STS: variants seen among roughly 807,000 people sequenced by gnomAD.
STS encodes the protein steroid sulfatase.
A neutral mutation model predicts 26.8 loss-of-function variants in STS; 7 were observed. The ratio of observed to expected loss-of-function variants is 0.26; its 90% CI spans 0.15 to 0.49. The LOEUF (loss-of-function observed/expected upper bound fraction) is 0.49, where lower values mean the gene tolerates loss of function less well. Among genes scored for constraint, STS ranks in the 20% least tolerant of loss-of-function variants. The probability of loss-of-function intolerance (pLI) is 0.98; values close to 1 mark genes in which losing one functional copy is unlikely to be tolerated. For synonymous variants in STS, 199 were observed against 189.4 expected (o/e 1.05, Z -0.42); for missense variants, 434 against 465.6 (o/e 0.93, Z 0.63).
chrX:7,323,929 C>G (rs182104761), intron 8 of STS, among the ~76,000 whole-genome samples: 1 of 110,884 alleles, frequency 9.0e-6, no homozygotes, highest in East Asian at 2.9e-4. Flanking sequence ...CCCTCCACTT[C>G]TCTGACTCCC....
intron 2 of STS, among the ~76,000 whole-genome samples, chrX:7,222,892 C>G (rs1213309329): frequency 9.0e-6 from 1 of 111,471 alleles, no homozygotes; most frequent in Non-Finnish European, 1.9e-5. Context: ...TTTTTCAACC[C>G]TCACTCCTAT....
At chrX:7,157,143 G>A (rs1367042107) in intron 1 of STS, among the ~76,000 whole-genome samples, 2 of 111,900 alleles carry the variant, frequency 1.8e-5, no homozygotes, top group African/African-American at 3.2e-5. Flanking sequence ...ATGGCTAAGA[G>A]GAGAACCCTT....
At chrX:7,163,010 T>C (rs1388107297) in intron 1 of STS, among the ~76,000 whole-genome samples, 1 of 93,866 alleles carries the variant, frequency 1.1e-5, no homozygotes, top group Non-Finnish European at 2.1e-5. Context: ...TGAGCCGAGA[T>C]CACACCACTG....
chrX:7,154,455 T>C (rs1470714082), intron 1 of STS, among the ~76,000 whole-genome samples: 2 of 112,516 alleles, frequency 1.8e-5, no homozygotes, highest in Non-Finnish European at 3.7e-5. Context: ...CCACCAGCCC[T>C]CAAATAATTA....
chrX:7,163,150 C>G (rs1005832288), intron 1 of STS, among the ~76,000 whole-genome samples: 1 of 110,831 alleles, frequency 9.0e-6, no homozygotes, highest in Non-Finnish European at 1.9e-5. Context: ...CTGGGTCACT[C>G]TCTGGTGGTG....
At chrX:7,154,816 A>G (rs1444276302) in intron 1 of STS, among the ~76,000 whole-genome samples, 1 of 112,734 alleles carries the variant, frequency 8.9e-6, no homozygotes, top group African/African-American at 3.2e-5. Flanking sequence ...AAAGTATTCT[A>G]GAAAACACCA....
chrX:7,257,867 C>T (rs1483021195), intron 5 of STS, among the ~76,000 whole-genome samples: 1 of 110,726 alleles, frequency 9.0e-6, no homozygotes, highest in African/African-American at 3.3e-5. Context: ...TAAATAGATA[C>T]TTAGGTTATA....
chrX:7,272,366 A>T (rs1000572802), intron 6 of STS, among the ~76,000 whole-genome samples: 1 of 110,295 alleles, frequency 9.1e-6, no homozygotes, highest in African/African-American at 3.3e-5. Flanking sequence ...TACATAAACC[A>T]TGTCCCGTCA....
At position 7,344,481 on chromosome X, in the gene STS, A is replaced by T. The variant is rs145571606; in HGVS notation, c.1364-5407A>T. ...GGGTCTAGGAGGAGAAGGTTCTGCC[A>T]TCCATTTGTCAGGGACCACCCTGAC... On this transcript the variant is annotated intron_variant, in intron 10 of 10. Transcript: ENST00000674429. Among the ~76,000 whole-genome samples, 626 of 111,126 alleles carry T rather than the reference A, an allele frequency of 5.6e-3. 2 individuals are homozygous for T. Among genetic ancestry groups the T allele is most frequent in the African/African-American group, 0.02 (597 of 30,539 alleles).
At chrX:7,175,039 T>C (rs185650312) in intron 1 of STS, among the ~76,000 whole-genome samples, 28 of 111,054 alleles carry the variant, frequency 2.5e-4, no homozygotes, top group African/African-American at 9.2e-4. Flanking sequence ...AATACCTTTG[T>C]GATGATTAAC....
At chrX:7,334,861 G>A (rs1927936729) in intron 10 of STS, among the ~76,000 whole-genome samples, 1 of 112,217 alleles carries the variant, frequency 8.9e-6, no homozygotes, top group Non-Finnish European at 1.9e-5. Context: ...ATATCTTGTG[G>A]GTTTTCTAAT....
chrX:7,233,091 C>CTTTTTTTTTTT (rs3077766), intron 2 of STS, among the ~76,000 whole-genome samples: 2 of 69,870 alleles, frequency 2.9e-5, no homozygotes, highest in East Asian at 4.7e-4. Flanking sequence ...TTCTTTTTTT[C>CTTTTTTTTTTT]TTTTTTTTTT....
chrX:7,254,813 G>A (rs1923326675), intron 3 of STS, among the ~76,000 whole-genome samples: 1 of 109,969 alleles, frequency 9.1e-6, no homozygotes, highest in African/African-American at 3.3e-5. Flanking sequence ...TCAAACTCCT[G>A]ACCTCGTGAT....
At chrX:7,253,682 T>G (rs1224949171) in intron 3 of STS, among the ~76,000 whole-genome samples, 4 of 111,829 alleles carry the variant, frequency 3.6e-5, no homozygotes, top group African/African-American at 1.3e-4. Context: ...CTGGCTTTAT[T>G]CTGGTTGGTT....
intron 1 of STS, among the ~76,000 whole-genome samples, chrX:7,180,870 A>G (rs1451650442): frequency 8.9e-6 from 1 of 112,346 alleles, no homozygotes; most frequent in Non-Finnish European, 1.9e-5. Flanking sequence ...TCCACACTCA[A>G]AAGTTGACAA....
At chrX:7,289,214 T>C (rs925809475) in intron 7 of STS, among the ~76,000 whole-genome samples, 1 of 110,824 alleles carries the variant, frequency 9.0e-6, no homozygotes, top group Non-Finnish European at 1.9e-5. Context: ...CATTTCTGGG[T>C]GGGGTTTTAG....
intron 7 of STS, among the ~76,000 whole-genome samples, chrX:7,291,188 C>A (rs771822258): frequency 3.6e-5 from 4 of 111,427 alleles, no homozygotes; most frequent in African/African-American, 1.3e-4. Context: ...TCCAACAAGC[C>A]TCGTGGAGTA....
intron 10 of STS, among the ~76,000 whole-genome samples, chrX:7,341,915 G>C (rs751721211): frequency 9.1e-6 from 1 of 110,165 alleles, no homozygotes; most frequent in Non-Finnish European, 1.9e-5. Flanking sequence ...AGGTTCAAGC[G>C]ATTCTCCTGT....
chrX:7,206,803 TC>T (rs1920953102), intron 2 of STS, among the ~76,000 whole-genome samples: 1 of 112,573 alleles, frequency 8.9e-6, no homozygotes, highest in Non-Finnish European at 1.9e-5. Flanking sequence ...ATACATCATC[TC>T]GATCCAATGG....
Sources: gnomAD v4.1 joint callset for allele counts (sites outside exome capture counted in the v4.1 genomes callset) on GRCh38, gnomAD v4.1.1 for gene constraint, MANE v1.5 for transcripts, NCBI Gene and HGNC (gene_info 2026-07-23, HGNC 2026-07-21) for gene names.